Variants in KYNU observed in about 807,000 individuals in gnomAD.
KYNU encodes kynureninase.
KYNU carries 54 observed loss-of-function variants against 59.2 expected under a neutral mutation model. The ratio of observed to expected loss-of-function variants is 0.91; its 90% CI spans 0.73 to 1.14. The LOEUF is 1.14. KYNU is among the 50% of genes most tolerant of loss of function. KYNU has a pLI of 0.00. For synonymous variants in KYNU, 177 were observed against 192.0 expected, an observed-to-expected ratio of 0.92 and a Z score of 0.65; for missense variants, 567 against 554.4, an observed-to-expected ratio of 1.02 and a Z score of -0.23.
chr2:142,886,735 A>G (rs1339546278), intron 2 of KYNU, among the ~76,000 whole-genome samples: 1 of 152,212 alleles, frequency 6.6e-6, no homozygotes, highest in Non-Finnish European at 1.5e-5. Flanking sequence ...GGGCTTGGTG[A>G]TATGTGCATC....
chr2:142,927,526 G>A (rs1683082452), intron 3 of KYNU, 133 bp from the exon 4 acceptor site: 4 of 642,172 alleles, frequency 6.2e-6, no homozygotes, highest in South Asian at 2.0e-5. Flanking sequence ...TTTTAAAAAG[G>A]CCTGATTTTA....
intron 11 of KYNU, among the ~76,000 whole-genome samples, chr2:143,031,204 C>G (rs1203246774): frequency 2.6e-5 from 4 of 152,008 alleles, no homozygotes; most frequent in African/African-American, 9.7e-5. Context: ...TGTTATTATA[C>G]CAGTTATTTA....
At chr2:143,018,229 G>C (rs1686316020) in intron 10 of KYNU, among the ~76,000 whole-genome samples, 1 of 152,110 alleles carries the variant, frequency 6.6e-6, no homozygotes, top group African/African-American at 2.4e-5. Flanking sequence ...CTGATATCCA[G>C]AATGGTATTT....
At chr2:142,881,990 A>G (rs1681318791) in intron 1 of KYNU, among the ~76,000 whole-genome samples, 1 of 148,100 alleles carries the variant, frequency 6.8e-6, no homozygotes, top group Admixed American at 6.8e-5. Context: ...CCTGGCTTCA[A>G]GCAATCCCCT....
At chr2:142,913,423 T>C (rs1213898515) in intron 2 of KYNU, among the ~76,000 whole-genome samples, 1 of 152,220 alleles carries the variant, frequency 6.6e-6, no homozygotes, top group Non-Finnish European at 1.5e-5. Flanking sequence ...AAATTTTTTT[T>C]TGATATCTGC....
chr2:142,959,856 A>G (rs980655858), intron 7 of KYNU, among the ~76,000 whole-genome samples: 1 of 152,182 alleles, frequency 6.6e-6, no homozygotes, highest in Non-Finnish European at 1.5e-5. Flanking sequence ...TCTTAATCTA[A>G]TAGAAGATAT....
intron 4 of KYNU, among the ~76,000 whole-genome samples, chr2:142,954,379 T>G (rs1684094149): frequency 6.6e-6 from 1 of 152,100 alleles, no homozygotes; most frequent in African/African-American, 2.4e-5. Context: ...TGCCTCCTTT[T>G]ATAAAAGGTG....
At position 142,918,473 on chromosome 2, in the gene KYNU, C is replaced by T. The variant is rs1682748957; in HGVS notation, c.170-136C>T. 3 of 971,366 alleles carry T rather than the reference C, an allele frequency of 3.1e-6. No individual in the cohort carries two copies. The East Asian group carries it at 8.5e-5, about 27-fold the overall frequency. 60.2% of individuals were successfully genotyped at this position (971,366 alleles called of 1,614,324 possible). A position where few individuals can be genotyped will look rare whatever the true frequency, so the allele number is the denominator to read the frequency against. Reference sequence around the variant, plus strand: ...AATTATTTTTTAGAGGACCTGATGTCATCCTTGGGAGTAATTTTTAATTAC... The same window carrying T: ...AATTATTTTTTAGAGGACCTGATGTTATCCTTGGGAGTAATTTTTAATTAC... On this transcript the variant is annotated intron_variant, in intron 2 of 13. Coordinates refer to ENST00000264170, the MANE Select transcript of KYNU (RefSeq NM_003937.3).
intron 4 of KYNU, among the ~76,000 whole-genome samples, chr2:142,933,116 G>C (rs187141365): frequency 5.3e-5 from 8 of 152,304 alleles, no homozygotes. Flanking sequence ...GGCATGGAGA[G>C]ATAGTTTTAG....
intron 10 of KYNU, chr2:142,988,797 C>T: frequency 2.3e-6 from 3 of 1,315,170 alleles, no homozygotes; most frequent in Non-Finnish European, 3.3e-6. Flanking sequence ...CTAGCCTTGG[C>T]TCTCTATTCT....
chr2:142,898,074 A>G (rs765534656), intron 2 of KYNU, among the ~76,000 whole-genome samples: 1 of 151,928 alleles, frequency 6.6e-6, no homozygotes, highest in Non-Finnish European at 1.5e-5. Flanking sequence ...GCTAATTTTT[A>G]AAAATTTTTC....
chr2:142,995,150 A>C (rs1685505681), intron 10 of KYNU, among the ~76,000 whole-genome samples: 1 of 152,246 alleles, frequency 6.6e-6, no homozygotes, highest in Admixed American at 6.5e-5. Flanking sequence ...TATATTCAGA[A>C]AATGTTCAAA....
At chr2:142,878,858 A>T (rs1456359606) in intron 1 of KYNU, among the ~76,000 whole-genome samples, 1 of 152,198 alleles carries the variant, frequency 6.6e-6, no homozygotes, top group Non-Finnish European at 1.5e-5. Flanking sequence ...TTTATAAAGG[A>T]CCTAATGTCA....
intron 8 of KYNU, among the ~76,000 whole-genome samples, chr2:142,979,077 TATC>T (rs1177457651): frequency 1.3e-5 from 2 of 152,134 alleles, no homozygotes; most frequent in African/African-American, 4.8e-5. Flanking sequence ...AGGCCCTATG[TATC>T]ATATTATTTC....
chr2:143,031,748 G>A (rs1286829009), intron 11 of KYNU, among the ~76,000 whole-genome samples: 3 of 152,032 alleles, frequency 2.0e-5, no homozygotes, highest in Non-Finnish European at 4.4e-5. Context: ...AAACTAGTGG[G>A]TCAAATTTGG....
At chr2:142,989,512 A>T in intron 10 of KYNU, 2 of 983,754 alleles carry the variant, frequency 2.0e-6, no homozygotes, top group Non-Finnish European at 2.4e-6. Context: ...TAAACATGTT[A>T]TTTCAAATAA....
chr2:143,005,508 C>T (rs528692894), intron 10 of KYNU, among the ~76,000 whole-genome samples: 18 of 151,600 alleles, frequency 1.2e-4, no homozygotes, highest in Admixed American at 3.3e-4. Context: ...GAGAACTTGA[C>T]GAAAAAATAA....
At chr2:142,932,985 A>G (rs1349685930) in intron 4 of KYNU, among the ~76,000 whole-genome samples, 1 of 151,922 alleles carries the variant, frequency 6.6e-6, no homozygotes. Context: ...TAGCATAGTG[A>G]TTTGGGGGGT....
chr2:142,877,966 A>C (rs1396706831), intron 1 of KYNU, among the ~76,000 whole-genome samples: 1 of 152,222 alleles, frequency 6.6e-6, no homozygotes, highest in Non-Finnish European at 1.5e-5. Context: ...AATGTAATAG[A>C]AAAGAACTGA....
Sources: gnomAD v4.1 joint callset for allele counts (sites outside exome capture counted in the v4.1 genomes callset) on GRCh38, gnomAD v4.1.1 for gene constraint, MANE v1.5 for transcripts, NCBI Gene and HGNC (gene_info 2026-07-23, HGNC 2026-07-21) for gene names.